The following STXBP4 variants were observed in gnomAD, a reference collection of about 807,000 sequenced individuals.
STXBP4 encodes the protein syntaxin-binding protein 4.
A neutral mutation model predicts 76.1 loss-of-function variants in STXBP4; 55 were observed. The ratio of observed to expected loss-of-function variants is 0.72; its 90% CI spans 0.58 to 0.91. The LOEUF (loss-of-function observed/expected upper bound fraction) is 0.91, where lower values mean the gene tolerates loss of function less well. Among genes scored for constraint, STXBP4 ranks in the 40% least tolerant of loss-of-function variants. The pLI is 0.00. For synonymous variants in STXBP4, 201 were observed against 220.2 expected (o/e 0.91, Z 0.77); for missense variants, 618 against 636.9 (o/e 0.97, Z 0.32).
the STXBP4 span, among the ~76,000 whole-genome samples, chr17:55,185,284 T>TCCTC: frequency 1.2e-5 from 1 of 85,350 alleles, no homozygotes; most frequent in Non-Finnish European, 2.4e-5. Context: ...TCCTTCTCCT[T>TCCTC]CTCCTTCTCC....
chr17:55,185,189 T>TTTCTTCTTCTTCTTC, the STXBP4 span, among the ~76,000 whole-genome samples: 141 of 87,734 alleles, frequency 1.6e-3, 5 homozygotes, highest in Admixed American at 3.1e-3. Context: ...TCTTCTTCTT[T>TTTCTTCTTCTTCTTC]TTCTTCTTCT....
chr17:55,120,852 G>A (rs954981438), intron 16 of STXBP4, among the ~76,000 whole-genome samples: 2 of 151,774 alleles, frequency 1.3e-5, no homozygotes, highest in African/African-American at 4.8e-5. Flanking sequence ...AGGAACATTA[G>A]CCCTACAAGT....
intron 16 of STXBP4, among the ~76,000 whole-genome samples, chr17:55,139,907 A>G (rs1222518933): frequency 1.3e-5 from 2 of 152,124 alleles, no homozygotes; most frequent in Non-Finnish European, 1.5e-5. Context: ...TGCAAATTGT[A>G]TTTCTTGGTT....
intron 8 of STXBP4, among the ~76,000 whole-genome samples, chr17:55,013,765 C>T (rs190907424): frequency 9.8e-5 from 15 of 152,318 alleles, no homozygotes; most frequent in Non-Finnish European, 1.8e-4. Context: ...AAGTCTTGGG[C>T]TAATGCCTGG....
Position 55,078,081 on chromosome 17 carries a change from A to G in STXBP4, c.1192A>G (p.Ser398Gly), listed in dbSNP as rs2079207438. 1 of 1,599,466 alleles carries G rather than the reference A, an allele frequency of 6.3e-7. No individual in the cohort carries two copies. Among genetic ancestry groups the G allele is most frequent in the African/African-American group, 1.3e-5 (1 of 74,180 alleles). Residue 398 changes from serine to glycine, a missense_variant, in exon 14 of 18, where the codon AGT (serine) becomes GGT (glycine). By Grantham distance (56) the Ser-to-Gly change is moderately conservative (BLOSUM62 0). Transcript: ENST00000376352. ...LADYSDQNKE[S>G]VQDLKKRIMV... ...TCCTTTTGATATCTCTGTGCAGGAA[A>G]GTGTTCAGGATTTAAAAAAGAGAAT...
At chr17:55,068,086 A>G (rs1028370748) in intron 12 of STXBP4, among the ~76,000 whole-genome samples, 2 of 152,192 alleles carry the variant, frequency 1.3e-5, no homozygotes, top group African/African-American at 4.8e-5. Context: ...ATTTTAACAA[A>G]TCAGACTCAT....
rs1377546422 is a variant in STXBP4 at position 55,078,048 on chromosome 17, G to T, written c.1189-30G>T. ...CAGTAATGTAAAACTGAAGAAATGT[G>T]TAAATGCTCCTTTTGATATCTCTGT... On this transcript the variant is annotated intron_variant, in intron 13 of 17. Transcript: ENST00000376352. 2.1e-6 allele frequency: 3 copies of T among 1,426,112 alleles called. No individual in the cohort carries two copies. In the South Asian group the frequency reaches 3.8e-5, roughly 18 times the overall value. The allele number at this position is 1,426,112 out of a possible 1,614,324, so 88.3% of individuals were successfully genotyped here. A position where few individuals can be genotyped will look rare whatever the true frequency, so the allele number is the denominator to read the frequency against.
Position 54,989,549 on chromosome 17 carries a change from G to A in STXBP4, c.48-1276G>A, listed in dbSNP as rs959357367. On this transcript the variant is annotated intron_variant, in intron 3 of 17. Transcript: ENST00000376352. ...TAAGACTGACTGGGCTCACACTTGG[G>A]CCATCAAGTTAACCTATCTGAATTT... Among the ~76,000 whole-genome samples the A allele has an allele frequency of 2.0e-5, 3 of 152,082 alleles. No individual in the cohort carries two copies. In the South Asian group the frequency reaches 6.2e-4, roughly 32 times the overall value.
chr17:55,082,222 A>G (rs192740140), intron 16 of STXBP4, among the ~76,000 whole-genome samples: 37 of 152,328 alleles, frequency 2.4e-4, no homozygotes, highest in African/African-American at 8.9e-4. Context: ...ATCACCACAA[A>G]TGTGGCAACC....
chr17:55,084,883 C>T (rs2079304321), intron 16 of STXBP4, among the ~76,000 whole-genome samples: 1 of 152,112 alleles, frequency 6.6e-6, no homozygotes, highest in Non-Finnish European at 1.5e-5. Flanking sequence ...GACTATAAAT[C>T]ATGCTGCTAT....
At chr17:54,997,536 CAT>C (rs1184420291) in intron 4 of STXBP4, among the ~76,000 whole-genome samples, 6 of 138,770 alleles carry the variant, frequency 4.3e-5, no homozygotes, top group Admixed American at 2.9e-4. Context: ...ATATATATAA[CAT>C]AAATATATAT....
chr17:55,000,659 G>T (rs1348850533), intron 6 of STXBP4, 149 bp from the exon 7 acceptor site: 2 of 650,144 alleles, frequency 3.1e-6, no homozygotes, highest in East Asian at 5.8e-5. Flanking sequence ...GAATTGCTTT[G>T]TTTGAAGATG....
intron 16 of STXBP4, among the ~76,000 whole-genome samples, chr17:55,093,865 C>T (rs552600611): frequency 1.1e-4 from 17 of 152,236 alleles, no homozygotes; most frequent in African/African-American, 3.9e-4. Flanking sequence ...AAACAAGGCC[C>T]TTGCTATCAA....
intron 12 of STXBP4, among the ~76,000 whole-genome samples, chr17:55,067,001 C>T (rs912666602): frequency 6.6e-6 from 1 of 152,112 alleles, no homozygotes; most frequent in Non-Finnish European, 1.5e-5. Flanking sequence ...TAAATCTGAA[C>T]CCTTTTTTGA....
the STXBP4 span, among the ~76,000 whole-genome samples, chr17:55,190,796 G>A: frequency 3.9e-5 from 6 of 152,060 alleles, no homozygotes; most frequent in Admixed American, 6.5e-5. Flanking sequence ...ACAACTCAAG[G>A]CATTAATGTA....
In STXBP4 at chr17:55,170,804, C is replaced by G. The variant is rs1367899248; in HGVS notation, c.*10893C>G. On this transcript the variant is annotated 3_prime_UTR_variant, in exon 18 of 18. Coordinates refer to ENST00000376352, the MANE Select transcript of STXBP4 (RefSeq NM_178509.6). ...ATCTTTATTGAAATAACTATTTTAC[C>G]ATTGTGTGGTCAGATTCACTGCATT... The G allele has an allele frequency of 6.6e-6, 1 of 152,072 alleles. No individual in the cohort carries two copies. Among genetic ancestry groups the G allele is most frequent in the Non-Finnish European group, 1.5e-5 (1 of 68,018 alleles). 9.4% of individuals were successfully genotyped at this position (152,072 alleles called of 1,614,324 possible).
At chr17:55,036,367 T>C (rs1296980443) in intron 10 of STXBP4, among the ~76,000 whole-genome samples, 1 of 150,592 alleles carries the variant, frequency 6.6e-6, no homozygotes, top group East Asian at 2.0e-4. Flanking sequence ...ATATATCTTA[T>C]ATATTTTTAA....
chr17:54,982,426 T>G (rs955883847), intron 1 of STXBP4, among the ~76,000 whole-genome samples: 2 of 152,188 alleles, frequency 1.3e-5, no homozygotes, highest in African/African-American at 4.8e-5. Context: ...ACAACAAGAT[T>G]TTTTTTCTCC....
chr17:55,052,529 A>G (rs1189462699), intron 12 of STXBP4, among the ~76,000 whole-genome samples: 2 of 152,152 alleles, frequency 1.3e-5, no homozygotes. Context: ...TATCTATTTT[A>G]ATAAAGACTT....
Sources: gnomAD v4.1 joint callset for allele counts (sites outside exome capture counted in the v4.1 genomes callset) on GRCh38, gnomAD v4.1.1 for gene constraint, MANE v1.5 for transcripts, NCBI Gene and HGNC (gene_info 2026-07-23, HGNC 2026-07-21) for gene names.